AGBL4: variants seen among roughly 807,000 people sequenced by gnomAD.
AGBL4 encodes cytosolic carboxypeptidase 6.
In AGBL4, 58 loss-of-function variants were observed where a neutral mutation model predicts 66.4. The ratio of observed to expected loss-of-function variants is 0.87; its 90% CI spans 0.71 to 1.09. The LOEUF (loss-of-function observed/expected upper bound fraction) is 1.09. AGBL4 is among the 50% of genes least tolerant of loss of function. The pLI is 0.00. For missense variants in AGBL4, 579 were observed against 631.0 expected (o/e 0.92, Z 0.88); for synonymous variants, 234 against 222.9 (o/e 1.05, Z -0.44).
chr1:49,979,467 CA>C (rs777875738), intron 1 of AGBL4, among the ~76,000 whole-genome samples: 98 of 87,710 alleles, frequency 1.1e-3, no homozygotes, highest in South Asian at 1.7e-3. Flanking sequence ...GACTCCGCCT[CA>C]AAAAAAAAAA....
At chr1:49,951,851 G>C (rs767541859) in intron 1 of AGBL4, among the ~76,000 whole-genome samples, 15 of 151,850 alleles carry the variant, frequency 9.9e-5, no homozygotes, top group Non-Finnish European at 1.8e-4. Context: ...GTTGTGGAAA[G>C]GAGTAGATAT....
chr1:48,537,329 C>T (rs1643989437), intron 12 of AGBL4, among the ~76,000 whole-genome samples: 2 of 152,104 alleles, frequency 1.3e-5, no homozygotes, highest in African/African-American at 4.8e-5. Context: ...GTCCTCAAAA[C>T]TCTGAACTCA....
At chr1:49,498,779 A>G (rs1647849247) in intron 3 of AGBL4, among the ~76,000 whole-genome samples, 1 of 151,988 alleles carries the variant, frequency 6.6e-6, no homozygotes, top group Non-Finnish European at 1.5e-5. Context: ...TTATCATGAA[A>G]ATACATTGAA....
intron 2 of AGBL4, among the ~76,000 whole-genome samples, chr1:49,762,104 T>A (rs1281894556): frequency 6.6e-6 from 1 of 152,220 alleles, no homozygotes; most frequent in East Asian, 1.9e-4. Flanking sequence ...AGTAGTGGGA[T>A]TCCTGGGTCA....
At chr1:49,710,355 C>T (rs548457350) in intron 2 of AGBL4, among the ~76,000 whole-genome samples, 21 of 152,150 alleles carry the variant, frequency 1.4e-4, no homozygotes, top group African/African-American at 3.1e-4. Context: ...AACCAAACAC[C>T]GCAAGTTTTC....
At chr1:48,826,408 T>C (rs1646427606) in intron 6 of AGBL4, among the ~76,000 whole-genome samples, 1 of 152,216 alleles carries the variant, frequency 6.6e-6, no homozygotes, top group South Asian at 2.1e-4. Context: ...GCCAGAGAAC[T>C]GGCACACATT....
Position 49,347,252 on chromosome 1 carries a change from C to CT in AGBL4, c.283-101389dup, listed in dbSNP as rs35313917. ...AGCCATTTCCTTTCTTTCTTTCTTTCTTTTTTTTTTTTTTTTTGAGATGGA... is the reference window on the plus strand; with the variant it reads ...AGCCATTTCCTTTCTTTCTTTCTTTCTTTTTTTTTTTTTTTTTTGAGATGGA... On this transcript the variant is annotated intron_variant, in intron 3 of 13. Transcript: ENST00000371839. 7.7e-3 allele frequency among the ~76,000 whole-genome samples: 888 copies of CT among 115,826 alleles called. 8 individuals carry two copies. Among genetic ancestry groups the CT allele is most frequent in the African/African-American group, 0.02 (652 of 31,904 alleles). 76.0% of individuals were successfully genotyped at this position (115,826 alleles called of 152,430 possible).
intron 2 of AGBL4, among the ~76,000 whole-genome samples, chr1:49,848,479 A>G (rs1646215540): frequency 6.6e-6 from 1 of 152,258 alleles, no homozygotes; most frequent in Non-Finnish European, 1.5e-5. Context: ...AATACTATTC[A>G]TCCATAAAAA....
rs150890475 is a variant in AGBL4, at chr1:49,915,439, C to A, written c.35-63921G>T. ...CAAACGGCACACCAAGAGATTATAT[C>A]CCGCGCCTGGCTTGGAGGGTCCCAC... is the stretch of plus-strand genomic sequence containing the variant. On this transcript the variant is annotated intron_variant, in intron 1 of 13. Coordinates refer to ENST00000371839, the MANE Select transcript of AGBL4 (RefSeq NM_032785.4). Among the ~76,000 whole-genome samples, 1,218 of 152,306 alleles carry A rather than the reference C, an allele frequency of 8.0e-3. 15 individuals carry two copies. Among genetic ancestry groups the A allele is most frequent in the African/African-American group, 0.028 (1,171 of 41,558 alleles).
intron 1 of AGBL4, among the ~76,000 whole-genome samples, chr1:50,010,527 AC>A (rs1661460213): frequency 1.3e-5 from 2 of 151,980 alleles, no homozygotes; most frequent in Admixed American, 6.6e-5. Context: ...AAGCAAAAAA[AC>A]AAAACAAAAC....
intron 3 of AGBL4, among the ~76,000 whole-genome samples, chr1:49,648,551 A>T (rs1217363479): frequency 1.3e-5 from 2 of 152,066 alleles, no homozygotes; most frequent in Admixed American, 1.3e-4. Flanking sequence ...CCAGAAAATT[A>T]AACATAAGCT....
At chr1:48,912,039 T>C (rs1424049064) in intron 5 of AGBL4, among the ~76,000 whole-genome samples, 1 of 152,212 alleles carries the variant, frequency 6.6e-6, no homozygotes, top group African/African-American at 2.4e-5. Flanking sequence ...AATTCACTCA[T>C]TCACTCATTC....
rs745394161 is a variant in AGBL4 at position 49,121,189 on chromosome 1, C to T, written c.378-75389G>A. The stretch of plus-strand genomic sequence containing the variant: ...CTTGGAGAAGTTTGTTATTACCAAC[C>T]TTCTGAAGGCTACTTCTGTCAACTC... On this transcript the variant is annotated intron_variant, in intron 4 of 13. Transcript: ENST00000371839. Among the ~76,000 whole-genome samples the T allele has an allele frequency of 1.1e-4, 16 of 152,182 alleles. 1 individual carries two copies. Among genetic ancestry groups the T allele is most frequent in the Non-Finnish European group, 1.9e-4 (13 of 68,022 alleles).
intron 3 of AGBL4, among the ~76,000 whole-genome samples, chr1:49,335,664 C>T (rs1306915917): frequency 3.9e-5 from 6 of 151,982 alleles, no homozygotes; most frequent in East Asian, 1.9e-4. Flanking sequence ...TACAGGCACC[C>T]GCCACCACAC....
At chr1:49,246,279 T>C (rs138415961) in intron 3 of AGBL4, among the ~76,000 whole-genome samples, 1 of 151,992 alleles carries the variant, frequency 6.6e-6, no homozygotes, top group Non-Finnish European at 1.5e-5. Context: ...AGTTATTAAG[T>C]GTATCCTTTC....
intron 11 of AGBL4, chr1:48,583,736 C>T (rs1006381088): frequency 2.5e-4 from 38 of 152,212 alleles, no homozygotes; most frequent in African/African-American, 9.2e-4. Context: ...TTCTCCCAGA[C>T]CATATTGCCT....
intron 3 of AGBL4, among the ~76,000 whole-genome samples, chr1:49,614,875 C>A (rs777694989): frequency 2.6e-5 from 4 of 152,032 alleles, no homozygotes; most frequent in Non-Finnish European, 5.9e-5. Flanking sequence ...GTACAAGTGC[C>A]TCAAGGGCAG....
chr1:49,096,714 A>G (rs944296385), intron 4 of AGBL4, among the ~76,000 whole-genome samples: 2 of 148,948 alleles, frequency 1.3e-5, no homozygotes, highest in African/African-American at 4.9e-5. Context: ...GGGGAGGGAT[A>G]GCATTGGGAG....
At chr1:48,614,200 A>G (rs1225026252) in intron 9 of AGBL4, among the ~76,000 whole-genome samples, 1 of 152,248 alleles carries the variant, frequency 6.6e-6, no homozygotes, top group African/African-American at 2.4e-5. Flanking sequence ...GCATCAACTA[A>G]AATACACATT....
Sources: gnomAD v4.1 joint callset for allele counts (sites outside exome capture counted in the v4.1 genomes callset) on GRCh38, gnomAD v4.1.1 for gene constraint, MANE v1.5 for transcripts, NCBI Gene and HGNC (gene_info 2026-07-23, HGNC 2026-07-21) for gene names.